Variants in TSNARE1 observed in about 807,000 individuals in gnomAD.
TSNARE1 encodes t-SNARE domain containing 1.
Under a neutral mutation model 62.0 loss-of-function variants are expected in TSNARE1, and 49 were observed. The observed-to-expected ratio is 0.79, with a 90% CI of 0.63 to 1.00. The LOEUF (loss-of-function observed/expected upper bound fraction) is 1.00. Among genes scored for constraint, TSNARE1 ranks in the 50% least tolerant of loss-of-function variants. TSNARE1 has a pLI of 0.00. For synonymous variants in TSNARE1, 328 were observed against 294.4 expected (o/e 1.11, Z -1.17); for missense variants, 755 against 700.1 (o/e 1.08, Z -0.88).
At chr8:142,307,730 A>G (rs1826920695) in intron 9 of TSNARE1, among the ~76,000 whole-genome samples, 1 of 152,248 alleles carries the variant, frequency 6.6e-6, no homozygotes, top group South Asian at 2.1e-4. Flanking sequence ...GGCCAACTGA[A>G]TATGCATGTC....
chr8:142,352,659 A>G (rs1014751090), intron 2 of TSNARE1, among the ~76,000 whole-genome samples: 2 of 152,262 alleles, frequency 1.3e-5, no homozygotes, highest in African/African-American at 4.8e-5. Context: ...ACGATGCGTA[A>G]AAGCAGCACG....
intron 11 of TSNARE1, chr8:142,278,596 A>T (rs906846136): frequency 1.0e-6 from 1 of 985,244 alleles, no homozygotes; most frequent in African/African-American, 1.7e-5. Context: ...CGGAGGCGGC[A>T]GGAGGAAGCA....
chr8:142,271,758 G>A, intron 12 of TSNARE1: 1 of 1,213,638 alleles, frequency 8.2e-7, no homozygotes, highest in Non-Finnish European at 1.1e-6. Flanking sequence ...AGGGTGAGCA[G>A]GGTGCAGGGA....
intron 1 of TSNARE1, among the ~76,000 whole-genome samples, chr8:142,372,058 A>T (rs1252386221): frequency 6.6e-6 from 1 of 152,158 alleles, no homozygotes; most frequent in East Asian, 1.9e-4. Context: ...AACCAAGGAG[A>T]CGAAGGCTGT....
At chr8:142,253,801 G>A (rs1287718644) in intron 12 of TSNARE1, among the ~76,000 whole-genome samples, 1 of 152,210 alleles carries the variant, frequency 6.6e-6, no homozygotes, top group Non-Finnish European at 1.5e-5. Flanking sequence ...CCTTTTCCCA[G>A]GGGCCCGGCA....
At chr8:142,393,915 G>A (rs952802702) in intron 1 of TSNARE1, among the ~76,000 whole-genome samples, 2 of 152,278 alleles carry the variant, frequency 1.3e-5, no homozygotes, top group East Asian at 1.9e-4. Context: ...GGTTGCAGCC[G>A]TGTGGTTCCT....
At chr8:142,280,112 G>T (rs1355782567) in intron 11 of TSNARE1, 6 of 1,146,278 alleles carry the variant, frequency 5.2e-6, no homozygotes, top group Middle Eastern at 7.9e-4. Flanking sequence ...GGTGTGCCCC[G>T]CAGCGCCCCG....
intron 11 of TSNARE1, among the ~76,000 whole-genome samples, chr8:142,279,025 TGCTG>T (rs2130731772): frequency 6.6e-6 from 1 of 152,336 alleles, no homozygotes; most frequent in South Asian, 2.1e-4. Context: ...TCCTCCCACC[TGCTG>T]GCTGGCCTTG....
intron 12 of TSNARE1, among the ~76,000 whole-genome samples, chr8:142,267,610 G>C (rs1819202179): frequency 6.6e-6 from 1 of 152,106 alleles, no homozygotes. Context: ...TAAAATGGGG[G>C]ACCTAGTGAG....
intron 12 of TSNARE1, 98 bp downstream of exon 12, chr8:142,274,683 G>C: frequency 2.9e-6 from 4 of 1,382,536 alleles, no homozygotes; most frequent in Non-Finnish European, 3.8e-6. Flanking sequence ...CCAGGCACAG[G>C]GCAGGGCCTG....
chr8:142,264,789 T>C (rs184590418), intron 12 of TSNARE1, among the ~76,000 whole-genome samples: 214 of 152,366 alleles, frequency 1.4e-3, no homozygotes, highest in Middle Eastern at 0.01. Context: ...TTTGGTCCTA[T>C]GTTGGAGTGC....
At chr8:142,245,086 C>T (rs1171895685) in intron 12 of TSNARE1, among the ~76,000 whole-genome samples, 1 of 152,234 alleles carries the variant, frequency 6.6e-6, no homozygotes, top group African/African-American at 2.4e-5. Flanking sequence ...ATTCCAGCCT[C>T]GTTAGTAATC....
At chr8:142,281,336 G>C (rs903324957) in intron 11 of TSNARE1, among the ~76,000 whole-genome samples, 1 of 152,106 alleles carries the variant, frequency 6.6e-6, no homozygotes, top group African/African-American at 2.4e-5. Flanking sequence ...GCAGCAGCAG[G>C]TATAGACAGG....
intron 6 of TSNARE1, among the ~76,000 whole-genome samples, chr8:142,327,542 G>C (rs1429621554): frequency 2.0e-5 from 3 of 152,168 alleles, no homozygotes; most frequent in Non-Finnish European, 4.4e-5. Context: ...AGCCCTCTCT[G>C]GCCCCCTCAC....
intron 12 of TSNARE1, among the ~76,000 whole-genome samples, chr8:142,231,307 T>C (rs1817105699): frequency 6.6e-6 from 1 of 152,230 alleles, no homozygotes; most frequent in Non-Finnish European, 1.5e-5. Flanking sequence ...CTTCCCAGGC[T>C]TCACAGTGTG....
chr8:142,387,994 C>T (rs1837221891), intron 1 of TSNARE1, among the ~76,000 whole-genome samples: 1 of 152,116 alleles, frequency 6.6e-6, no homozygotes, highest in African/African-American at 2.4e-5. Flanking sequence ...AAGAGCAATA[C>T]ATAAAAATCA....
chr8:142,360,917 T>A (rs1360548374), intron 1 of TSNARE1, among the ~76,000 whole-genome samples: 2 of 152,134 alleles, frequency 1.3e-5, no homozygotes, highest in South Asian at 4.1e-4. Context: ...GACTCCCCAG[T>A]AGGGCCTCTG....
At chr8:142,270,166 G>A (rs986835169) in intron 12 of TSNARE1, 100 of 985,302 alleles carry the variant, frequency 1.0e-4, no homozygotes, top group Non-Finnish European at 1.2e-4. Context: ...CTAGGCTGGG[G>A]GGCTGCAGAC....
At chr8:142,235,887 G>A (rs993256929) in intron 12 of TSNARE1, among the ~76,000 whole-genome samples, 1 of 152,212 alleles carries the variant, frequency 6.6e-6, no homozygotes, top group Non-Finnish European at 1.5e-5. Context: ...GTGGGGGATG[G>A]ACAAGTTGAG....
Sources: allele counts gnomAD v4.1 joint callset (sites outside exome capture counted in the v4.1 genomes callset), GRCh38; gene constraint gnomAD v4.1.1; transcripts MANE v1.5; gene names NCBI Gene and HGNC (gene_info 2026-07-23, HGNC 2026-07-21).